VCF1: variants seen among roughly 807,000 people sequenced by gnomAD.
VCF1 encodes the protein protein VCF1.
At chr17:73,230,844 G>A in the VCF1 span, among the ~76,000 whole-genome samples, 2 of 152,168 alleles carry the variant, frequency 1.3e-5, no homozygotes, top group African/African-American at 4.8e-5. Context: ...GGAATCTACT[G>A]CCAGTATAAA....
the VCF1 span, among the ~76,000 whole-genome samples, chr17:73,215,240 G>A: frequency 6.6e-6 from 1 of 152,238 alleles, no homozygotes; most frequent in Admixed American, 6.5e-5. Flanking sequence ...GTAAGACCCA[G>A]AAGAGAACTG....
At chr17:73,211,891 C>T in the VCF1 span, among the ~76,000 whole-genome samples, 1 of 152,092 alleles carries the variant, frequency 6.6e-6, no homozygotes, top group Non-Finnish European at 1.5e-5. Flanking sequence ...ATTATCTGGG[C>T]GTGGTGGCTC....
the VCF1 span, chr17:73,208,120 T>C: frequency 8.9e-6 from 13 of 1,460,858 alleles, no homozygotes; most frequent in Admixed American, 4.8e-5. Context: ...AATTCTAGTT[T>C]TGTCACAAAG....
chr17:73,208,019 A>T, the VCF1 span: 1 of 1,319,164 alleles, frequency 7.6e-7, no homozygotes, highest in Non-Finnish European at 9.7e-7. Flanking sequence ...TTTCCACTGC[A>T]GTGATCTTTC....
At chr17:73,227,527 G>T in the VCF1 span, 1 of 727,500 alleles carries the variant, frequency 1.4e-6, no homozygotes, top group Non-Finnish European at 1.8e-6. Flanking sequence ...TTAAATGTCT[G>T]TTGGGACTGA....
At chr17:73,232,033 C>G in the VCF1 span, 1 of 1,517,018 alleles carries the variant, frequency 6.6e-7, no homozygotes, top group Non-Finnish European at 8.9e-7. Context: ...CCCCTCGGCT[C>G]TATCTCCCAG....
the VCF1 span, among the ~76,000 whole-genome samples, chr17:73,219,898 C>G: frequency 6.6e-6 from 1 of 151,424 alleles, no homozygotes; most frequent in Non-Finnish European, 1.5e-5. Flanking sequence ...TCACCTGAGC[C>G]TGGGGAGGTC....
chr17:73,227,578 C>G, the VCF1 span: 11 of 971,510 alleles, frequency 1.1e-5, no homozygotes, highest in Admixed American at 1.2e-4. Flanking sequence ...CTTTCAACCT[C>G]TAACCTAATT....
chr17:73,210,463 T>C, the VCF1 span, among the ~76,000 whole-genome samples: 2 of 145,752 alleles, frequency 1.4e-5, no homozygotes, highest in Non-Finnish European at 3.0e-5. Flanking sequence ...AGATCCCTGA[T>C]AAGAGTCACT....
the VCF1 span, chr17:73,229,472 G>C: frequency 1.0e-6 from 1 of 985,344 alleles, no homozygotes; most frequent in Non-Finnish European, 1.2e-6. Context: ...TTACCAGTTA[G>C]CATCTGTTAC....
chr17:73,226,446 G>C, the VCF1 span, among the ~76,000 whole-genome samples: 10 of 152,226 alleles, frequency 6.6e-5, no homozygotes, highest in African/African-American at 2.2e-4. Flanking sequence ...TGTGAGTTAT[G>C]AGGCTAGGGC....
the VCF1 span, chr17:73,209,804 G>C: frequency 1.3e-6 from 2 of 1,536,352 alleles, no homozygotes; most frequent in Middle Eastern, 1.7e-4. Flanking sequence ...GTCACAATAA[G>C]GCTGTTTTGT....
the VCF1 span, chr17:73,232,152 G>C: frequency 2.5e-6 from 4 of 1,608,936 alleles, no homozygotes; most frequent in African/African-American, 1.3e-5. Flanking sequence ...TCCGCGAAGA[G>C]AGGGAACAGA....
chr17:73,211,178 A>G, the VCF1 span, among the ~76,000 whole-genome samples: 139,276 of 152,214 alleles, frequency 0.92, 64,390 homozygotes, highest in Non-Finnish European at 0.99. Flanking sequence ...ACTGGAGGCC[A>G]GGTGCAGTGC....
chr17:73,209,398 A>T, the VCF1 span: 1 of 1,195,612 alleles, frequency 8.4e-7, no homozygotes. Context: ...TTAACCTGTT[A>T]TTTCAAATAT....
At chr17:73,224,452 T>C in the VCF1 span, among the ~76,000 whole-genome samples, 8 of 151,916 alleles carry the variant, frequency 5.3e-5, no homozygotes, top group Non-Finnish European at 8.8e-5. Context: ...AGGGAAAACA[T>C]AGGAAATGGT....
chr17:73,225,899 A>ATATATATATATTTTTT, the VCF1 span, among the ~76,000 whole-genome samples: 4 of 114,844 alleles, frequency 3.5e-5, no homozygotes, highest in African/African-American at 1.5e-4. Context: ...ATATATATAT[A>ATATATATATATTTTTT]TTTTTTTTTT....
At chr17:73,207,661 A>G in the VCF1 span, 3 of 1,295,214 alleles carry the variant, frequency 2.3e-6, no homozygotes, top group East Asian at 5.4e-5. Flanking sequence ...TTGTTTCCCC[A>G]AAAGTTTGAC....
chr17:73,227,150 GACC>G, the VCF1 span: 1 of 1,540,392 alleles, frequency 6.5e-7, no homozygotes, highest in South Asian at 1.2e-5. Flanking sequence ...CAGACTATGT[GACC>G]ACACTTCCTA....
Sources: allele counts gnomAD v4.1 joint callset (sites outside exome capture counted in the v4.1 genomes callset), GRCh38; gene constraint gnomAD v4.1.1; transcripts MANE v1.5; gene names NCBI Gene and HGNC (gene_info 2026-07-23, HGNC 2026-07-21).